FOCAD: variants seen among roughly 807,000 people sequenced by gnomAD.
FOCAD encodes KIAA1797.
Under a neutral mutation model 225.6 loss-of-function variants are expected in FOCAD, and 198 were observed. That is an observed-to-expected ratio of 0.88 (90% CI 0.78 to 0.99). The LOEUF (loss-of-function observed/expected upper bound fraction) is 0.99. FOCAD is among the 50% of genes least tolerant of loss of function. FOCAD has a pLI of 0.00. For synonymous variants in FOCAD, 897 were observed against 755.0 expected (o/e 1.19, Z -3.08); for missense variants, 2,713 against 2,123.6 (o/e 1.28, Z -5.46).
intron 10 of FOCAD, among the ~76,000 whole-genome samples, chr9:20,782,492 G>A (rs1454825156): frequency 2.6e-5 from 4 of 152,132 alleles, no homozygotes; most frequent in Admixed American, 1.3e-4. Flanking sequence ...AATCCTGCCT[G>A]CCTCATTCCG....
chr9:20,937,472 A>G (rs1175562440), intron 28 of FOCAD, among the ~76,000 whole-genome samples: 1 of 152,010 alleles, frequency 6.6e-6, no homozygotes, highest in Non-Finnish European at 1.5e-5. Context: ...AAAACAAGCA[A>G]TGGGGAAAGG....
intron 1 of FOCAD, among the ~76,000 whole-genome samples, chr9:20,699,257 CAGA>C (rs1237853951): frequency 6.6e-6 from 1 of 152,026 alleles, no homozygotes; most frequent in East Asian, 1.9e-4. Flanking sequence ...GGCTGAAAGG[CAGA>C]AGTAGTCTTT....
chr9:20,788,583 C>T (rs1820185675), intron 10 of FOCAD, among the ~76,000 whole-genome samples: 1 of 152,078 alleles, frequency 6.6e-6, no homozygotes, highest in Non-Finnish European at 1.5e-5. Flanking sequence ...CAGTTATAAT[C>T]CAGAGATTTC....
rs1377634857 is a variant in FOCAD at position 20,920,291 on chromosome 9, A to G, written c.2852+3354A>G. Reference sequence around the variant, plus strand: ...CCATCTCACACCAGTTAGAATGGCAATCATTAAAAAGTCAGGAAACAACAG... The same window carrying G: ...CCATCTCACACCAGTTAGAATGGCAGTCATTAAAAAGTCAGGAAACAACAG... On this transcript the variant is annotated intron_variant, in intron 24 of 43. Coordinates refer to ENST00000338382, the MANE Select transcript of FOCAD (RefSeq NM_001375567.1). 3.7e-5 allele frequency among the ~76,000 whole-genome samples: 5 copies of G among 133,400 alleles called. No individual in the cohort carries two copies. The South Asian group carries it at 8.2e-4, about 22-fold the overall frequency. 87.5% of individuals were successfully genotyped at this position (133,400 alleles called of 152,430 possible).
intron 17 of FOCAD, among the ~76,000 whole-genome samples, chr9:20,866,396 G>A (rs1156659486): frequency 6.6e-6 from 1 of 151,966 alleles, no homozygotes; most frequent in Non-Finnish European, 1.5e-5. Context: ...ATGGATGAAT[G>A]AGCTTAGATT....
chr9:20,708,861 T>A (rs1234788169), intron 1 of FOCAD, among the ~76,000 whole-genome samples: 1 of 152,132 alleles, frequency 6.6e-6, no homozygotes, highest in African/African-American at 2.4e-5. Context: ...AGAAATTTGG[T>A]AGTCAAGAGT....
chr9:20,981,916 G>A (rs1840733960), intron 38 of FOCAD, among the ~76,000 whole-genome samples: 1 of 152,134 alleles, frequency 6.6e-6, no homozygotes, highest in South Asian at 2.1e-4. Context: ...TGCTGCACCA[G>A]GAAATTTGCT....
At position 20,861,392 on chromosome 9, in the gene FOCAD, A is replaced by G. The variant is rs186558714; in HGVS notation, c.1921-1186A>G. ...GCTGATGATTTATAATATCAGAGTT[A>G]CTTCTTTGTGTAAATGTGCCTACTG... is the stretch of plus-strand genomic sequence containing the variant. On this transcript the variant is annotated intron_variant, in intron 15 of 43. Transcript: ENST00000338382. Among the ~76,000 whole-genome samples the G allele has an allele frequency of 4.2e-3, 644 of 152,328 alleles. 2 individuals carry two copies. Among genetic ancestry groups the G allele is most frequent in the African/African-American group, 0.015 (613 of 41,584 alleles).
intron 28 of FOCAD, among the ~76,000 whole-genome samples, chr9:20,938,034 C>G (rs1325131712): frequency 6.6e-6 from 1 of 151,896 alleles, no homozygotes; most frequent in African/African-American, 2.4e-5. Context: ...AATGAGATAC[C>G]ATCTCACACC....
Position 20,810,228 on chromosome 9 carries a change from T to C in FOCAD, c.1456-9568T>C, listed in dbSNP as rs1822908930. ...AATGATGGCAACATGTATGGGTTCT[T>C]TGGGAAATCTGCTATTTTATTAAAC... is the stretch of plus-strand genomic sequence containing the variant. On this transcript the variant is annotated intron_variant, in intron 11 of 43. Coordinates refer to ENST00000338382, the MANE Select transcript of FOCAD (RefSeq NM_001375567.1). Among the ~76,000 whole-genome samples the C allele has an allele frequency of 1.3e-5, 2 of 152,136 alleles. 1 individual carries two copies. Among genetic ancestry groups the C allele is most frequent in the Admixed American group, 1.3e-4 (2 of 15,272 alleles).
At chr9:20,672,845 A>G (rs981143037) in intron 2 of FOCAD, among the ~76,000 whole-genome samples, 1 of 152,242 alleles carries the variant, frequency 6.6e-6, no homozygotes, top group Non-Finnish European at 1.5e-5. Context: ...AATCTAGGTC[A>G]CCAACAGGAC....
At chr9:20,726,875 T>G (rs1214712316) in intron 4 of FOCAD, among the ~76,000 whole-genome samples, 1 of 152,180 alleles carries the variant, frequency 6.6e-6, no homozygotes, top group Non-Finnish European at 1.5e-5. Flanking sequence ...CTGTATTATT[T>G]AGCTTCTTTC....
intron 15 of FOCAD, among the ~76,000 whole-genome samples, chr9:20,828,155 GAAAA>G (rs201634195): frequency 2.1e-5 from 2 of 96,232 alleles, no homozygotes; most frequent in African/African-American, 3.7e-5. Flanking sequence ...TCTGTCTCAA[GAAAA>G]AAAAAAAAAA....
At chr9:20,921,098 G>C (rs927560604) in intron 24 of FOCAD, among the ~76,000 whole-genome samples, 4 of 151,878 alleles carry the variant, frequency 2.6e-5, no homozygotes, top group African/African-American at 9.7e-5. Flanking sequence ...CAGGGATAGG[G>C]GTAAGGGAGA....
intron 4 of FOCAD, among the ~76,000 whole-genome samples, chr9:20,732,439 T>C (rs940708130): frequency 2.6e-5 from 4 of 152,262 alleles, no homozygotes; most frequent in Non-Finnish European, 2.9e-5. Flanking sequence ...GGGAAGGAGA[T>C]TGGCTGTTAA....
At chr9:20,658,149 C>T (rs1425924336), upstream of FOCAD, among the ~76,000 whole-genome samples, 1 of 151,588 alleles carries the variant, frequency 6.6e-6, no homozygotes, top group Non-Finnish European at 1.5e-5. Flanking sequence ...AGATCTCCAG[C>T]TGCGTGGTGG....
intron 30 of FOCAD, among the ~76,000 whole-genome samples, chr9:20,947,532 A>C (rs1288621200): frequency 1.3e-5 from 2 of 152,130 alleles, no homozygotes; most frequent in Non-Finnish European, 2.9e-5. Flanking sequence ...GTGGGTAAAG[A>C]GTTTCAGTTT....
intron 11 of FOCAD, among the ~76,000 whole-genome samples, chr9:20,809,827 T>G (rs1263822857): frequency 6.7e-6 from 1 of 148,394 alleles, no homozygotes; most frequent in Non-Finnish European, 1.5e-5. Flanking sequence ...CACATATTTT[T>G]GATGGCTGGA....
At chr9:20,756,375 T>G (rs1261784383) in intron 5 of FOCAD, among the ~76,000 whole-genome samples, 1 of 152,164 alleles carries the variant, frequency 6.6e-6, no homozygotes, top group Non-Finnish European at 1.5e-5. Context: ...TGTTTCAATG[T>G]GATAGATCTA....
Sources: allele counts gnomAD v4.1 joint callset (sites outside exome capture counted in the v4.1 genomes callset), GRCh38; gene constraint gnomAD v4.1.1; transcripts MANE v1.5; gene names NCBI Gene and HGNC (gene_info 2026-07-23, HGNC 2026-07-21).